Variants in LPP observed in about 807,000 individuals in gnomAD.
The protein encoded by LPP is lipoma-preferred partner.
A neutral mutation model predicts 60.4 loss-of-function variants in LPP; 38 were observed. The ratio of observed to expected loss-of-function variants is 0.63; its 90% confidence interval spans 0.49 to 0.83. The LOEUF is 0.83. Ranked by LOEUF, LPP falls within the 40% of genes least tolerant of loss-of-function variation. LPP has a pLI of 0.00. For missense variants in LPP, 902 were observed against 783.6 expected (o/e 1.15, Z -1.80); for synonymous variants, 328 against 290.8 (o/e 1.13, Z -1.30).
intron 2 of LPP, among the ~76,000 whole-genome samples, chr3:188,252,781 AT>A (rs1730331542): frequency 6.6e-6 from 1 of 151,598 alleles, no homozygotes; most frequent in African/African-American, 2.4e-5. Context: ...ATTTTATTTT[AT>A]TTTTTTTGGG....
At chr3:188,655,574 G>C (rs1853003610) in intron 7 of LPP, among the ~76,000 whole-genome samples, 1 of 152,050 alleles carries the variant, frequency 6.6e-6, no homozygotes, top group African/African-American at 2.4e-5. Flanking sequence ...ATCACCCCTG[G>C]GGATGCTGGA....
At chr3:188,374,404 TC>T (rs1282623674) in intron 3 of LPP, among the ~76,000 whole-genome samples, 1 of 152,180 alleles carries the variant, frequency 6.6e-6, no homozygotes, top group Non-Finnish European at 1.5e-5. Context: ...TTTGTAGTTC[TC>T]CTTGAAGAGG....
At chr3:188,380,001 A>T (rs1021431431) in intron 3 of LPP, among the ~76,000 whole-genome samples, 1 of 152,186 alleles carries the variant, frequency 6.6e-6, no homozygotes, top group Non-Finnish European at 1.5e-5. Context: ...TGAGATGCAG[A>T]TGTTTTTGAG....
At chr3:188,591,500 G>T (rs1838693457) in intron 6 of LPP, among the ~76,000 whole-genome samples, 1 of 152,150 alleles carries the variant, frequency 6.6e-6, no homozygotes, top group Non-Finnish European at 1.5e-5. Context: ...GCTAGTAAAA[G>T]ATATGCTGGA....
chr3:188,289,264 A>T (rs1250228279), intron 2 of LPP, among the ~76,000 whole-genome samples: 1 of 152,178 alleles, frequency 6.6e-6, no homozygotes, highest in East Asian at 1.9e-4. Flanking sequence ...ACTAGCTCAG[A>T]CGTGGCTATG....
chr3:188,557,085 TCTTCCCTCC>T (rs951862075), intron 6 of LPP, among the ~76,000 whole-genome samples: 2 of 152,048 alleles, frequency 1.3e-5, no homozygotes, highest in Admixed American at 1.3e-4. Flanking sequence ...CTTTGTGAAG[TCTTCCCTCC>T]CTTTCTATTT....
At position 188,656,711 on chromosome 3, in the gene LPP, C is replaced by A. The variant is rs546811185; in HGVS notation, c.1113+46867C>A. Among the ~76,000 whole-genome samples the A allele has an allele frequency of 7.9e-5, 12 of 152,280 alleles. 1 individual carries two copies. In the South Asian group the frequency reaches 2.5e-3, roughly 32 times the overall value. Reference sequence around the variant, plus strand: ...CACTGACTGGATTTGTGATTGTAAGCACATCACACTCATTTCCTCCATTTG... The same window carrying A: ...CACTGACTGGATTTGTGATTGTAAGAACATCACACTCATTTCCTCCATTTG... On this transcript the variant is annotated intron_variant, in intron 7 of 11. Coordinates refer to ENST00000617246, the MANE Select transcript of LPP (RefSeq NM_001375462.1).
chr3:188,776,179 C>T (rs1440512538), intron 9 of LPP, among the ~76,000 whole-genome samples: 5 of 152,092 alleles, frequency 3.3e-5, no homozygotes, highest in East Asian at 1.9e-4. Flanking sequence ...GTGAGAGATT[C>T]GGGCAGTTGT....
chr3:188,730,314 T>C (rs923398774), intron 8 of LPP, among the ~76,000 whole-genome samples: 3 of 152,202 alleles, frequency 2.0e-5, no homozygotes, highest in African/African-American at 7.2e-5. Context: ...GGTGCCCAGA[T>C]TGAAACAGGA....
intron 6 of LPP, among the ~76,000 whole-genome samples, chr3:188,595,655 G>A (rs185527511): frequency 2.0e-5 from 3 of 152,234 alleles, no homozygotes; most frequent in East Asian, 3.9e-4. Context: ...TCAAGTAGGC[G>A]CTTTCAGCAA....
chr3:188,520,517 A>G (rs1204393843), intron 5 of LPP, among the ~76,000 whole-genome samples: 1 of 152,212 alleles, frequency 6.6e-6, no homozygotes, highest in East Asian at 1.9e-4. Context: ...TCCTGCCCAC[A>G]ACACATGGGG....
intron 4 of LPP, among the ~76,000 whole-genome samples, chr3:188,432,937 C>G (rs1288069068): frequency 2.0e-5 from 3 of 152,128 alleles, no homozygotes; most frequent in Non-Finnish European, 4.4e-5. Context: ...TGCCTAGGAC[C>G]TTTAAGGTAT....
At chr3:188,760,409 GGT>G (rs3841956) in intron 9 of LPP, 127 bp downstream of exon 9, 7,333 of 598,552 alleles carry the variant, frequency 0.012, 12 homozygotes, top group South Asian at 0.036. Context: ...GTGTGTGTGG[GGT>G]GTGTGTGTGT....
At chr3:188,339,877 A>C (rs990493701) in intron 2 of LPP, among the ~76,000 whole-genome samples, 30 of 152,208 alleles carry the variant, frequency 2.0e-4, no homozygotes, top group African/African-American at 7.2e-4. Context: ...GTGAGATCTG[A>C]GAAAGTGTTT....
intron 7 of LPP, among the ~76,000 whole-genome samples, chr3:188,639,959 G>A (rs993236989): frequency 6.6e-6 from 1 of 152,136 alleles, no homozygotes; most frequent in African/African-American, 2.4e-5. Flanking sequence ...AGTCAGTGTG[G>A]CAATACCTCA....
intron 4 of LPP, among the ~76,000 whole-genome samples, chr3:188,454,761 A>G (rs1248040902): frequency 6.6e-6 from 1 of 151,938 alleles, no homozygotes; most frequent in Non-Finnish European, 1.5e-5. Context: ...ATCAGATCTC[A>G]TGAAACTTAT....
intron 2 of LPP, among the ~76,000 whole-genome samples, chr3:188,311,144 ATT>A (rs914686877): frequency 2.0e-5 from 3 of 147,994 alleles, no homozygotes; most frequent in Non-Finnish European, 3.0e-5. Flanking sequence ...AGTGGCCCCA[ATT>A]TTTTTTTTTT....
chr3:188,486,332 G>A (rs2149694657), intron 5 of LPP, among the ~76,000 whole-genome samples: 1 of 152,292 alleles, frequency 6.6e-6, no homozygotes, highest in East Asian at 1.9e-4. Context: ...CACTAGGAAT[G>A]TTATAGCAAA....
intron 1 of LPP, among the ~76,000 whole-genome samples, chr3:188,203,201 T>A (rs1291724827): frequency 7.4e-6 from 1 of 134,432 alleles, no homozygotes; most frequent in East Asian, 2.1e-4. Context: ...ATATTATATA[T>A]ATTAAATTAT....
Sources: gnomAD v4.1 joint callset for allele counts (sites outside exome capture counted in the v4.1 genomes callset) on GRCh38, gnomAD v4.1.1 for gene constraint, MANE v1.5 for transcripts, NCBI Gene and HGNC (gene_info 2026-07-23, HGNC 2026-07-21) for gene names.